ZFP90: variants seen among roughly 807,000 people sequenced by gnomAD.
ZFP90 encodes the protein zinc finger protein 90 homolog.
ZFP90 carries 38 observed loss-of-function variants against 60.8 expected under a neutral mutation model. That is an observed-to-expected ratio of 0.62 (90% CI 0.48 to 0.82). The LOEUF (loss-of-function observed/expected upper bound fraction) is 0.82. ZFP90 is among the 40% of genes least tolerant of loss of function. The pLI, the probability that ZFP90 is intolerant of heterozygous loss-of-function variation, is 0.00. For synonymous variants in ZFP90, 287 were observed against 264.8 expected (o/e 1.08, Z -0.82); for missense variants, 711 against 759.1 (o/e 0.94, Z 0.74).
At position 68,566,038 on chromosome 16, in the gene ZFP90, G is replaced by A. The variant is rs894798438; in HGVS notation, c.*1340G>A. The stretch of plus-strand genomic sequence containing the variant: ...AGTCCCAGCTACTCAGGAGGCTGAG[G>A]TGGGAGGATCACTGGAACCCGGGAG... On this transcript the variant is annotated 3_prime_UTR_variant, in exon 5 of 5. Coordinates refer to ENST00000563169, the MANE Select transcript of ZFP90 (RefSeq NM_001305203.2). 3.5e-6 allele frequency: 3 copies of A among 868,774 alleles called. No homozygotes were observed. Among genetic ancestry groups the A allele is most frequent in the Non-Finnish European group, 2.8e-6 (2 of 723,702 alleles). 53.8% of individuals were successfully genotyped at this position (868,774 alleles called of 1,614,324 possible). A position where few individuals can be genotyped will look rare whatever the true frequency, so the allele number is the denominator to read the frequency against.
At chr16:68,538,908 C>A (rs1450693769), upstream of ZFP90, among the ~76,000 whole-genome samples, 4 of 152,150 alleles carry the variant, frequency 2.6e-5, no homozygotes, top group Non-Finnish European at 5.9e-5. Flanking sequence ...AATGCCCCAC[C>A]CTCTGACGCT....
At chr16:68,540,604 A>G (rs564208831) in intron 2 of ZFP90, among the ~76,000 whole-genome samples, 9 of 152,200 alleles carry the variant, frequency 5.9e-5, no homozygotes, top group African/African-American at 2.2e-4. Context: ...TTGAATCTAC[A>G]TTCTCTTTAG....
chr16:68,566,656 TCA>T lies in ZFP90; in HGVS notation c.*1965_*1966del, dbSNP rs2091532995. ...TTGTTTATGGTGCACCATGATTAGC[TCA>T]CACACAATGCCAAGGCTGTGCTTCT... is the stretch of plus-strand genomic sequence containing the variant. On this transcript the variant is annotated 3_prime_UTR_variant, in exon 5 of 5. Coordinates refer to ENST00000563169, the MANE Select transcript of ZFP90 (RefSeq NM_001305203.2). The T allele has an allele frequency of 1.0e-6, 1 of 985,440 alleles. No homozygotes were observed. Among genetic ancestry groups the T allele is most frequent in the South Asian group, 4.7e-5 (1 of 21,280 alleles). 61.0% of individuals were successfully genotyped at this position (985,440 alleles called of 1,614,324 possible). A position where few individuals can be genotyped will look rare whatever the true frequency, so the allele number is the denominator to read the frequency against.
chr16:68,543,509 A>G (rs918302519), intron 2 of ZFP90, among the ~76,000 whole-genome samples: 5 of 152,066 alleles, frequency 3.3e-5, no homozygotes, highest in Admixed American at 6.6e-5. Context: ...GTGTATTTAT[A>G]GGATTGTTAG....
Position 68,548,474 on chromosome 16 carries a change from C to CTTTTTTTTTTTTT in ZFP90, c.33+8667_33+8679dup, listed in dbSNP as rs551779570. Among the ~76,000 whole-genome samples, 4 of 81,046 alleles carry CTTTTTTTTTTTTT rather than the reference C, an allele frequency of 4.9e-5. 1 individual carries two copies. The highest frequency in any genetic ancestry group is 8.4e-5 in the Non-Finnish European group (4 of 47,564). 53.2% of individuals were successfully genotyped at this position (81,046 alleles called of 152,430 possible). On this transcript the variant is annotated intron_variant, in intron 2 of 4. Coordinates refer to ENST00000563169, the MANE Select transcript of ZFP90 (RefSeq NM_001305203.2). ...ATATTTCACTGTTCTGTTTATCCTC[C>CTTTTTTTTTTTTT]TTTTTTTTTTTTTTTTTTTTTTTTT...
chr16:68,536,318 C>G (rs2090960307), upstream of ZFP90, among the ~76,000 whole-genome samples: 1 of 152,090 alleles, frequency 6.6e-6, no homozygotes, highest in African/African-American at 2.4e-5. Context: ...CTTTTTCTTT[C>G]TTTTGAGAGA....
At position 68,563,108 on chromosome 16, in the gene ZFP90, C is replaced by T. The variant is rs760483572; in HGVS notation, c.321C>T (p.His107=). The change falls in exon 5 of 5, where the codon CAC becomes CAT. Residue 107 remains histidine, a synonymous_variant. Coordinates refer to ENST00000563169, the MANE Select transcript of ZFP90 (RefSeq NM_001305203.2). ...HLQQDVSEVS[H]CTHDLLHATL... ...AGCAGGATGTATCAGAAGTATCCCACTGCACACATGATCTCTTACATGCTA... is the reference window on the plus strand; with the variant it reads ...AGCAGGATGTATCAGAAGTATCCCATTGCACACATGATCTCTTACATGCTA... The T allele has an allele frequency of 1.1e-5, 18 of 1,614,042 alleles. No individual in the cohort carries two copies. Among genetic ancestry groups the T allele is most frequent in the Non-Finnish European group, 1.4e-5 (17 of 1,180,034 alleles).
Position 68,572,526 on chromosome 16 carries a change from T to A in ZFP90, c.224-3265T>A, listed in dbSNP as rs192484050. Among the ~76,000 whole-genome samples the A allele has an allele frequency of 3.7e-3, 556 of 152,300 alleles. 6 individuals are homozygous for A. The highest frequency in any genetic ancestry group is 0.013 in the African/African-American group (521 of 41,554). On this transcript the variant is annotated intron_variant, in intron 2 of 2. Coordinates refer to the ZFP90 transcript ENST00000573113. Reference sequence around the variant, plus strand: ...ACATGGTCCCATAGGACTCACTAGATGTGAGAGTCACAGAGCCACTTGATC... The same window carrying A: ...ACATGGTCCCATAGGACTCACTAGAAGTGAGAGTCACAGAGCCACTTGATC...
rs1414323788 is a variant in ZFP90, at chr16:68,563,909, C to G, written c.1122C>G (p.Ala374=). Residue 374 remains alanine (A), a synonymous_variant, in exon 5 of 5, where the codon GCC becomes GCG. Transcript: ENST00000563169. ...TCCAGTGTAAGGAATGTGGGAAAGC[C>G]TTTAGTCGATGTTCTTCCCTTGTCC... ...KPFQCKECGK[A]FSRCSSLVQH... is the part of the protein sequence containing the mutation. The G allele has an allele frequency of 6.2e-7, 1 of 1,613,966 alleles. No individual in the cohort carries two copies. Among genetic ancestry groups the G allele is most frequent in the Non-Finnish European group, 8.5e-7 (1 of 1,180,008 alleles).
At chr16:68,546,285 A>G (rs187501799) in intron 2 of ZFP90, among the ~76,000 whole-genome samples, 61 of 152,358 alleles carry the variant, frequency 4.0e-4, no homozygotes, top group Non-Finnish European at 6.3e-4. Context: ...TACACATAAG[A>G]CAATCTTAAG....
At chr16:68,543,436 G>A (rs957945190) in intron 2 of ZFP90, among the ~76,000 whole-genome samples, 1 of 152,208 alleles carries the variant, frequency 6.6e-6, no homozygotes, top group African/African-American at 2.4e-5. Context: ...GAAGCGGGAT[G>A]GGACTAGGAG....
rs1567411698 is a variant in ZFP90, at chr16:68,564,203, T to C, written c.1416T>C (p.His472=). The C allele has an allele frequency of 6.2e-7, 1 of 1,614,056 alleles. No homozygotes were observed. Among genetic ancestry groups the C allele is most frequent in the South Asian group, 1.1e-5 (1 of 91,074 alleles). The change falls in exon 5 of 5, where the codon CAT becomes CAC. Residue 472 remains histidine (H), a synonymous_variant. Coordinates refer to ENST00000563169, the MANE Select transcript of ZFP90 (RefSeq NM_001305203.2). The part of the protein sequence containing the change: ...ITDFTDHQRI[H]TAENPYDCEQ... ...ACTTTACTGACCATCAGAGGATCCA[T>C]ACTGCAGAGAACCCCTATGATTGTG...
intron 2 of ZFP90, chr16:68,555,177 G>A (rs1483760719): frequency 6.6e-6 from 1 of 152,214 alleles, no homozygotes; most frequent in East Asian, 1.9e-4. Flanking sequence ...ACCTTACTGT[G>A]TATTGTCTCA....
intron 2 of ZFP90, among the ~76,000 whole-genome samples, chr16:68,547,910 C>G (rs1478351890): frequency 6.6e-6 from 1 of 151,074 alleles, no homozygotes; most frequent in Admixed American, 6.6e-5. Flanking sequence ...TCACTGCAAC[C>G]TCTGCCTCCT....
At position 68,564,934 on chromosome 16, in the gene ZFP90, G is replaced by C; in HGVS notation, c.*236G>C. 7.9e-7 allele frequency: 1 copy of C among 1,268,828 alleles called. No homozygotes were observed. Among genetic ancestry groups the C allele is most frequent in the Non-Finnish European group, 9.9e-7 (1 of 1,009,032 alleles). The allele number at this position is 1,268,828 out of a possible 1,614,324, so 78.6% of individuals were successfully genotyped here. ...GTATGTAGCTGGTTGGGGATGATAT[G>C]CCTGTATGTTGGACTTTGCTTTTGA... On this transcript the variant is annotated 3_prime_UTR_variant, in exon 5 of 5. Transcript: ENST00000563169.
At chr16:68,555,028 T>G (rs1280148254) in intron 2 of ZFP90, 1 of 152,322 alleles carries the variant, frequency 6.6e-6, no homozygotes, top group East Asian at 1.9e-4. Context: ...TTCTCAAGCT[T>G]CCCAGTCCCT....
chr16:68,572,978 A>G (rs756353153), intron 2 of ZFP90, among the ~76,000 whole-genome samples: 1 of 152,214 alleles, frequency 6.6e-6, no homozygotes, highest in Non-Finnish European at 1.5e-5. Context: ...GGACCACTCC[A>G]TCTGTTTTCC....
At chr16:68,551,976 G>A (rs545774018) in intron 2 of ZFP90, among the ~76,000 whole-genome samples, 3 of 150,078 alleles carry the variant, frequency 2.0e-5, no homozygotes, top group South Asian at 4.3e-4. Context: ...TAGCCAGGAT[G>A]GTCTCGATCT....
intron 2 of ZFP90, among the ~76,000 whole-genome samples, chr16:68,551,708 T>A (rs2091264240): frequency 6.8e-6 from 1 of 147,458 alleles, no homozygotes; most frequent in South Asian, 2.2e-4. Context: ...ACTGCACCTG[T>A]CTGGAACATG....
Sources: gnomAD v4.1 joint callset for allele counts (sites outside exome capture counted in the v4.1 genomes callset) on GRCh38, gnomAD v4.1.1 for gene constraint, MANE v1.5 for transcripts, NCBI Gene and HGNC (gene_info 2026-07-23, HGNC 2026-07-21) for gene names.